The following DNAJC1 variants were observed in gnomAD, a reference collection of about 807,000 sequenced individuals.
DNAJC1 encodes the protein DnaJ heat shock protein family (Hsp40) member C1, also known as dnaJ homolog subfamily C member 1.
DNAJC1 carries 58 observed loss-of-function variants against 76.6 expected under a neutral mutation model. The ratio of observed to expected loss-of-function variants is 0.76; its 90% CI spans 0.61 to 0.94. The LOEUF (loss-of-function observed/expected upper bound fraction) is 0.94, where lower values mean the gene tolerates loss of function less well. Ranked by LOEUF, DNAJC1 falls within the 40% of genes least tolerant of loss-of-function variation. The pLI, the probability that DNAJC1 is intolerant of heterozygous loss-of-function variation, is 0.00. For missense variants in DNAJC1, 689 were observed against 677.3 expected (o/e 1.02, Z -0.19); for synonymous variants, 258 against 267.9 (o/e 0.96, Z 0.36).
intron 8 of DNAJC1, among the ~76,000 whole-genome samples, chr10:21,846,653 G>GTAT (rs1378836929): frequency 6.6e-6 from 1 of 152,068 alleles, no homozygotes; most frequent in Non-Finnish European, 1.5e-5. Context: ...GTTACAAAGA[G>GTAT]TATTAGCGAG....
intron 8 of DNAJC1, among the ~76,000 whole-genome samples, chr10:21,826,136 G>T (rs1023121673): frequency 2.0e-5 from 3 of 148,320 alleles, no homozygotes; most frequent in Non-Finnish European, 4.4e-5. Context: ...TCCTCGGTAG[G>T]CTGAGGCAGG....
rs376244794 is a variant in DNAJC1, at chr10:21,969,016, G to T, written c.222+34197C>A. The stretch of plus-strand genomic sequence containing the variant: ...AGGTGGACGGATCACTTGAGGTCAG[G>T]AATTCGAGACCAGCCTGGCCAACAT... On this transcript the variant is annotated intron_variant, in intron 1 of 11. Transcript: ENST00000376980. Among the ~76,000 whole-genome samples the T allele has an allele frequency of 4.9e-4, 74 of 152,050 alleles. 2 individuals carry two copies. The East Asian group carries it at 0.013, about 26-fold the overall frequency.
At position 21,928,522 on chromosome 10, in the gene DNAJC1, C is replaced by A; in HGVS notation, c.355G>T (p.Asp119Tyr). The change falls in exon 3 of 12, where the codon GAT becomes TAT. Residue 119 changes from aspartate (D) to tyrosine (Y), a missense_variant. By Grantham distance (160) the Asp-to-Tyr change is radical (BLOSUM62 -3). Transcript: ENST00000376980. ...AACACTCACCTCTGCCTTCGTTCAT[C>A]ATCCTTTAAAACTTCATAAATGGCC... The part of the protein sequence containing the change: ...LVAIYEVLKD[D>Y]ERRQRYDDIL... The A allele has an allele frequency of 6.2e-7, 1 of 1,613,150 alleles. No individual in the cohort carries two copies. The highest frequency in any genetic ancestry group is 2.2e-5 in the East Asian group (1 of 44,764).
chr10:21,850,531 TTC>T (rs2131687771), intron 8 of DNAJC1, among the ~76,000 whole-genome samples: 1 of 150,952 alleles, frequency 6.6e-6, no homozygotes, highest in African/African-American at 2.4e-5. Flanking sequence ...AAATTTTCTT[TTC>T]TTTTTTTTTT....
intron 7 of DNAJC1, among the ~76,000 whole-genome samples, chr10:21,890,839 A>G (rs1836449227): frequency 6.6e-6 from 1 of 152,230 alleles, no homozygotes; most frequent in Admixed American, 6.5e-5. Flanking sequence ...ACCAAGAACC[A>G]AGAATGCCTC....
chr10:21,822,395 C>T (rs899814076), intron 8 of DNAJC1, among the ~76,000 whole-genome samples: 7 of 151,674 alleles, frequency 4.6e-5, no homozygotes, highest in African/African-American at 1.5e-4. Flanking sequence ...GCTGAGATCG[C>T]GCCACTGCAC....
At chr10:21,998,515 T>A (rs1374484901) in intron 1 of DNAJC1, among the ~76,000 whole-genome samples, 2 of 151,922 alleles carry the variant, frequency 1.3e-5, no homozygotes, top group Non-Finnish European at 2.9e-5. Context: ...TTTAAGATGG[T>A]AACGAAAGAT....
At chr10:21,804,554 C>T (rs908041471) in intron 9 of DNAJC1, among the ~76,000 whole-genome samples, 3 of 150,516 alleles carry the variant, frequency 2.0e-5, no homozygotes, top group Non-Finnish European at 4.4e-5. Flanking sequence ...ACCTTAAAAC[C>T]GAGATAATAA....
chr10:21,835,073 C>G (rs1313030092), intron 8 of DNAJC1, among the ~76,000 whole-genome samples: 1 of 152,074 alleles, frequency 6.6e-6, no homozygotes, highest in African/African-American at 2.4e-5. Context: ...TGGGAGGCAC[C>G]CCCCAGTAGG....
chr10:21,877,798 C>T (rs1407537718), intron 8 of DNAJC1, among the ~76,000 whole-genome samples: 1 of 152,134 alleles, frequency 6.6e-6, no homozygotes, highest in Non-Finnish European at 1.5e-5. Flanking sequence ...GGGCGCCAAC[C>T]CCTGGTCAGT....
intron 3 of DNAJC1, among the ~76,000 whole-genome samples, chr10:21,921,448 G>A (rs779308696): frequency 5.3e-5 from 8 of 151,904 alleles, no homozygotes; most frequent in Non-Finnish European, 1.2e-4. Flanking sequence ...GGTGGCTCAA[G>A]GCTGAAGTAT....
intron 8 of DNAJC1, among the ~76,000 whole-genome samples, chr10:21,814,700 A>T (rs2131649842): frequency 6.6e-6 from 1 of 152,282 alleles, no homozygotes. Context: ...TCTCGCAGAG[A>T]AAGATACACT....
At chr10:21,759,673 GGT>G (rs1229886892) in intron 10 of DNAJC1, 55 bp from the exon 11 acceptor site, 4 of 1,543,080 alleles carry the variant, frequency 2.6e-6, no homozygotes, top group South Asian at 1.2e-5. Flanking sequence ...TTAAGGAGAC[GGT>G]GAGAACAGCA....
intron 9 of DNAJC1, among the ~76,000 whole-genome samples, chr10:21,799,242 C>T (rs1476642010): frequency 3.9e-5 from 6 of 152,080 alleles, no homozygotes; most frequent in African/African-American, 9.7e-5. Context: ...TGTCTTTTTA[C>T]GTGTGGTTTC....
intron 1 of DNAJC1, among the ~76,000 whole-genome samples, chr10:21,938,214 C>T (rs991231522): frequency 5.3e-5 from 8 of 151,704 alleles, no homozygotes; most frequent in African/African-American, 1.5e-4. Flanking sequence ...AATTAAATCA[C>T]GATATTTAAT....
At position 21,993,579 on chromosome 10, in the gene DNAJC1, C is replaced by T. The variant is rs74994907; in HGVS notation, c.222+9634G>A. 7.6e-3 allele frequency among the ~76,000 whole-genome samples: 1,164 copies of T among 152,180 alleles called. 15 individuals are homozygous for T. The highest frequency in any genetic ancestry group is 0.026 in the African/African-American group (1,078 of 41,488). ...CCTCAACATTTTTAATAGCAATATC[C>T]AAAGAAGGCCACAAGATGGAGATAT... On this transcript the variant is annotated intron_variant, in intron 1 of 11. Coordinates refer to ENST00000376980, the MANE Select transcript of DNAJC1 (RefSeq NM_022365.4).
intron 8 of DNAJC1, among the ~76,000 whole-genome samples, chr10:21,818,143 G>A (rs1010779183): frequency 2.6e-5 from 4 of 152,186 alleles, no homozygotes; most frequent in African/African-American, 7.2e-5. Flanking sequence ...GAGAAATATT[G>A]CTGAATTCTT....
chr10:21,958,722 G>A (rs1837736045), intron 1 of DNAJC1, among the ~76,000 whole-genome samples: 1 of 151,936 alleles, frequency 6.6e-6, no homozygotes, highest in African/African-American at 2.4e-5. Context: ...CACCGCGCCT[G>A]GCCCAGATTT....
intron 6 of DNAJC1, among the ~76,000 whole-genome samples, chr10:21,916,349 C>T (rs1424936043): frequency 2.0e-5 from 3 of 152,008 alleles, no homozygotes; most frequent in Admixed American, 1.3e-4. Context: ...ATTAGCCGGG[C>T]GTGGTAGCGG....
Sources: allele counts gnomAD v4.1 joint callset (sites outside exome capture counted in the v4.1 genomes callset), GRCh38; gene constraint gnomAD v4.1.1; transcripts MANE v1.5; gene names NCBI Gene and HGNC (gene_info 2026-07-23, HGNC 2026-07-21).